The following LNPEP variants were observed in gnomAD, a reference collection of about 807,000 sequenced individuals.
The protein encoded by LNPEP is leucyl-cystinyl aminopeptidase.
LNPEP carries 64 observed loss-of-function variants against 120.6 expected under a neutral mutation model. The ratio of observed to expected loss-of-function variants is 0.53; its 90% CI spans 0.43 to 0.65. The LOEUF is 0.65. LNPEP is among the 30% of genes least tolerant of loss of function. LNPEP has a pLI of 0.00. For synonymous variants in LNPEP, 435 were observed against 425.4 expected (o/e 1.02, Z -0.28); for missense variants, 1,057 against 1,200.0 (o/e 0.88, Z 1.76).
intron 3 of LNPEP, 53 bp downstream of exon 3, chr5:96,985,271 A>G (rs1790214736): frequency 4.1e-6 from 6 of 1,471,534 alleles, no homozygotes; most frequent in Non-Finnish European, 5.6e-6. Flanking sequence ...TCTTTCTTTA[A>G]GAACACTTAA....
intron 9 of LNPEP, 25 bp from the exon 10 acceptor site, chr5:97,006,046 TTA>T (rs3839297): frequency 0.053 from 35,575 of 672,992 alleles, no homozygotes; most frequent in Non-Finnish European, 0.06. Flanking sequence ...GGAAAAAGTT[TTA>T]TATATATATA....
intron 11 of LNPEP, chr5:97,011,282 G>A (rs190446713): frequency 5.1e-5 from 39 of 766,082 alleles, no homozygotes; most frequent in Non-Finnish European, 6.2e-5. Flanking sequence ...CTAAGGTACA[G>A]TGGCATGATC....
At chr5:96,945,689 A>G (rs1789171052) in intron 1 of LNPEP, among the ~76,000 whole-genome samples, 1 of 152,100 alleles carries the variant, frequency 6.6e-6, no homozygotes, top group African/African-American at 2.4e-5. Flanking sequence ...AGGAGAGTAT[A>G]ATGAGGTGCG....
At chr5:96,940,359 A>C (rs1192860481) in intron 1 of LNPEP, among the ~76,000 whole-genome samples, 1 of 152,102 alleles carries the variant, frequency 6.6e-6, no homozygotes, top group African/African-American at 2.4e-5. Flanking sequence ...AATAAGTGGT[A>C]ATTTTCTGCT....
intron 9 of LNPEP, among the ~76,000 whole-genome samples, chr5:97,005,491 T>C (rs1315207238): frequency 6.6e-6 from 1 of 152,174 alleles, no homozygotes; most frequent in Non-Finnish European, 1.5e-5. Flanking sequence ...AGTTTACCAC[T>C]GTTTTCTAGA....
chr5:96,939,882 A>AT (rs1789012763), intron 1 of LNPEP, among the ~76,000 whole-genome samples: 1 of 151,942 alleles, frequency 6.6e-6, no homozygotes, highest in Admixed American at 6.5e-5. Flanking sequence ...TTAAAAAAAA[A>AT]TTTTTAGCAT....
intron 6 of LNPEP, among the ~76,000 whole-genome samples, chr5:96,994,547 G>A (rs943792648): frequency 1.3e-5 from 2 of 151,818 alleles, no homozygotes; most frequent in Non-Finnish European, 2.9e-5. Flanking sequence ...ATGGCAAAGG[G>A]TACTGTTTGT....
chr5:96,948,814 T>C (rs911522455), intron 1 of LNPEP, among the ~76,000 whole-genome samples: 2 of 152,232 alleles, frequency 1.3e-5, no homozygotes, highest in African/African-American at 4.8e-5. Flanking sequence ...TTTTTTCCAT[T>C]TTGGAGATCT....
intron 13 of LNPEP, among the ~76,000 whole-genome samples, chr5:97,016,061 G>A (rs150713549): frequency 1.1e-3 from 170 of 152,178 alleles, no homozygotes; most frequent in African/African-American, 3.8e-3. Flanking sequence ...TGGAGGGAAC[G>A]CAGGGCAGAG....
rs1397203535 is a variant in LNPEP, at chr5:97,034,574, G to A, written c.*6041G>A. On this transcript the variant is annotated 3_prime_UTR_variant, in exon 18 of 18. Transcript: ENST00000231368. ...TGTAATGAGGGACCCAGACCCGAGA[G>A]TGTGGTAAATATTCTTTGCCTTCCT... The A allele has an allele frequency of 2.0e-5, 3 of 151,972 alleles. No homozygotes were observed. Among genetic ancestry groups the A allele is most frequent in the Non-Finnish European group, 2.9e-5 (2 of 67,982 alleles). 9.4% of individuals were successfully genotyped at this position (151,972 alleles called of 1,614,324 possible).
chr5:96,964,593 C>G (rs984150805), intron 1 of LNPEP, among the ~76,000 whole-genome samples: 1 of 151,888 alleles, frequency 6.6e-6, no homozygotes, highest in African/African-American at 2.4e-5. Context: ...AGGTTTTTCT[C>G]TTTTTTTGCT....
chr5:96,993,241 C>CA, intron 5 of LNPEP, 106 bp downstream of exon 5: 1 of 741,512 alleles, frequency 1.3e-6, no homozygotes, highest in Non-Finnish European at 2.1e-6. Context: ...CAGAGAAAAC[C>CA]AAAAACCATT....
At chr5:96,956,425 G>GGA (rs1273885565) in intron 1 of LNPEP, among the ~76,000 whole-genome samples, 1 of 152,214 alleles carries the variant, frequency 6.6e-6, no homozygotes, top group Non-Finnish European at 1.5e-5. Context: ...GGCTGAGGCA[G>GGA]GAGAATCACT....
At chr5:97,003,987 T>A (rs1301045029) in intron 9 of LNPEP, among the ~76,000 whole-genome samples, 3 of 152,180 alleles carry the variant, frequency 2.0e-5, no homozygotes, top group Non-Finnish European at 4.4e-5. Flanking sequence ...TGACTGTTCC[T>A]CCAGAGTAGA....
At position 96,992,998 on chromosome 5, in the gene LNPEP, A is replaced by T. The variant is rs1319480552; in HGVS notation, c.1132-17A>T. 8 of 1,562,426 alleles carry T rather than the reference A, an allele frequency of 5.1e-6. No homozygotes were observed. Among genetic ancestry groups the T allele is most frequent in the Non-Finnish European group, 6.9e-6 (8 of 1,152,978 alleles). ...AATTGTACCTGTCCTTGCATCATACATAATGTTTTCCTTTAGGTTTCTATA... is the reference window on the plus strand; with the variant it reads ...AATTGTACCTGTCCTTGCATCATACTTAATGTTTTCCTTTAGGTTTCTATA... On this transcript the variant is annotated splice_polypyrimidine_tract_variant and intron_variant, in intron 4 of 17. Coordinates refer to ENST00000231368, the MANE Select transcript of LNPEP (RefSeq NM_005575.3).
At chr5:96,939,203 G>T (rs1788993315) in intron 1 of LNPEP, among the ~76,000 whole-genome samples, 1 of 148,424 alleles carries the variant, frequency 6.7e-6, no homozygotes, top group African/African-American at 2.5e-5. Flanking sequence ...ATACTAGAAA[G>T]TATGTATACT....
intron 1 of LNPEP, among the ~76,000 whole-genome samples, chr5:96,960,396 A>G (rs1401475218): frequency 6.6e-6 from 1 of 152,236 alleles, no homozygotes; most frequent in African/African-American, 2.4e-5. Flanking sequence ...TAACTGCAGC[A>G]AAACTTGGTT....
chr5:96,956,759 C>A (rs548266486), intron 1 of LNPEP, among the ~76,000 whole-genome samples: 1 of 152,138 alleles, frequency 6.6e-6, no homozygotes, highest in Non-Finnish European at 1.5e-5. Flanking sequence ...TCTGGGACTC[C>A]GACTGCATAT....
intron 13 of LNPEP, among the ~76,000 whole-genome samples, chr5:97,015,372 TC>T (rs934373945): frequency 2.0e-5 from 3 of 152,142 alleles, no homozygotes; most frequent in Non-Finnish European, 2.9e-5. Context: ...TCTATTCAGA[TC>T]CTGTTTTATT....
Sources: gnomAD v4.1 joint callset for allele counts (sites outside exome capture counted in the v4.1 genomes callset) on GRCh38, gnomAD v4.1.1 for gene constraint, MANE v1.5 for transcripts, NCBI Gene and HGNC (gene_info 2026-07-23, HGNC 2026-07-21) for gene names.